Variants in RGS6 observed in about 807,000 individuals in gnomAD.
RGS6 encodes regulator of G-protein signaling 6.
Under a neutral mutation model 78.5 loss-of-function variants are expected in RGS6, and 30 were observed. The observed-to-expected ratio is 0.38, with a 90% CI of 0.29 to 0.52. RGS6 has a LOEUF of 0.52. Among genes scored for constraint, RGS6 ranks in the 20% least tolerant of loss-of-function variants. The probability of loss-of-function intolerance (pLI) is 0.85; values close to 1 mark genes in which losing one functional copy is unlikely to be tolerated. For missense variants in RGS6, 495 were observed against 609.7 expected (o/e 0.81, Z 1.98); for synonymous variants, 206 against 206.0 (o/e 1.00, Z 0.00).
At chr14:72,131,122 G>A (rs191486239) in intron 2 of RGS6, among the ~76,000 whole-genome samples, 3 of 152,226 alleles carry the variant, frequency 2.0e-5, no homozygotes, top group Non-Finnish European at 2.9e-5. Flanking sequence ...TTCATCTTTC[G>A]CTCACGGACT....
At chr14:72,076,779 A>G (rs542830451) in intron 2 of RGS6, among the ~76,000 whole-genome samples, 186 of 152,016 alleles carry the variant, frequency 1.2e-3, no homozygotes, top group Admixed American at 2.7e-3. Flanking sequence ...TAATCCTCCC[A>G]CCTCAGCCTC....
At chr14:71,931,899 T>C (rs1171706556), upstream of RGS6, among the ~76,000 whole-genome samples, 3 of 152,134 alleles carry the variant, frequency 2.0e-5, no homozygotes, top group Non-Finnish European at 4.4e-5. Context: ...AAATGCAGCG[T>C]GTGGTGTGCA....
intron 2 of RGS6, among the ~76,000 whole-genome samples, chr14:72,030,435 A>C (rs2090660438): frequency 6.6e-6 from 1 of 152,220 alleles, no homozygotes; most frequent in Non-Finnish European, 1.5e-5. Flanking sequence ...AAAGGAAAGC[A>C]GCTGTAGGTT....
intron 3 of RGS6, among the ~76,000 whole-genome samples, chr14:72,429,814 C>T (rs1008814209): frequency 6.6e-6 from 1 of 152,130 alleles, no homozygotes; most frequent in Non-Finnish European, 1.5e-5. Context: ...CCCGTTGTGA[C>T]AAGGGAGAGA....
chr14:72,154,665 G>C (rs900888690), intron 2 of RGS6, among the ~76,000 whole-genome samples: 2 of 152,208 alleles, frequency 1.3e-5, no homozygotes, highest in Non-Finnish European at 2.9e-5. Context: ...GCCAACTGAC[G>C]TGAAAGCAAG....
intron 2 of RGS6, among the ~76,000 whole-genome samples, chr14:71,993,494 A>G (rs1039760650): frequency 1.3e-5 from 2 of 152,156 alleles, no homozygotes; most frequent in Non-Finnish European, 2.9e-5. Context: ...ATATTATTTC[A>G]TCGGATCTTT....
At chr14:72,128,415 T>A (rs1218850579) in intron 2 of RGS6, among the ~76,000 whole-genome samples, 1 of 152,228 alleles carries the variant, frequency 6.6e-6, no homozygotes, top group African/African-American at 2.4e-5. Context: ...ATTGTGTTCA[T>A]GTTTGCATTT....
At chr14:72,538,615 C>A (rs764954668) in intron 16 of RGS6, among the ~76,000 whole-genome samples, 1 of 152,216 alleles carries the variant, frequency 6.6e-6, no homozygotes, top group Non-Finnish European at 1.5e-5. Context: ...CCAGGACTGG[C>A]CTGACTTGAG....
At chr14:72,370,422 C>A (rs2083264941) in intron 3 of RGS6, among the ~76,000 whole-genome samples, 1 of 152,104 alleles carries the variant, frequency 6.6e-6, no homozygotes, top group Non-Finnish European at 1.5e-5. Context: ...TTACCTGACT[C>A]TGGTATTGAC....
chr14:72,403,845 G>T (rs1009850562), intron 3 of RGS6, among the ~76,000 whole-genome samples: 1 of 152,178 alleles, frequency 6.6e-6, no homozygotes, highest in Non-Finnish European at 1.5e-5. Flanking sequence ...AGGCCTAAAT[G>T]AATCTTACCT....
chr14:72,387,288 G>A (rs371611334), intron 3 of RGS6, among the ~76,000 whole-genome samples: 33 of 152,190 alleles, frequency 2.2e-4, no homozygotes, highest in African/African-American at 6.0e-4. Flanking sequence ...GGTGGCTGGC[G>A]CGCCTAATCC....
At chr14:72,477,468 G>A (rs920982120) in intron 11 of RGS6, among the ~76,000 whole-genome samples, 2 of 148,684 alleles carry the variant, frequency 1.3e-5, no homozygotes, top group African/African-American at 5.1e-5. Context: ...TATCTGATGG[G>A]TAAGAGGTAA....
At chr14:72,229,078 AT>A (rs201073399) in intron 2 of RGS6, among the ~76,000 whole-genome samples, 1 of 129,252 alleles carries the variant, frequency 7.7e-6, no homozygotes. Context: ...TCCTTGTGAA[AT>A]CATTGTAGAT....
In RGS6 at chr14:72,564,851, AC is replaced by A. The variant is rs1567146781; in HGVS notation, c.*2385del. The stretch of plus-strand genomic sequence containing the variant: ...CCAGAGGGGAGGGTCAGTAAGCACA[AC>A]GGAGCTAGGGAGACTTCAGATGGAC... On this transcript the variant is annotated 3_prime_UTR_variant, in exon 18 of 18. Coordinates refer to ENST00000553525, the MANE Select transcript of RGS6 (RefSeq NM_001204424.2). The A allele has an allele frequency of 6.6e-6, 1 of 152,444 alleles. No individual in the cohort carries two copies. The highest frequency in any genetic ancestry group is 1.9e-4 in the East Asian group (1 of 5,180). 9.4% of individuals were successfully genotyped at this position (152,444 alleles called of 1,614,324 possible).
At chr14:72,235,972 C>G (rs2050903295) in intron 2 of RGS6, among the ~76,000 whole-genome samples, 2 of 152,160 alleles carry the variant, frequency 1.3e-5, no homozygotes, top group Non-Finnish European at 2.9e-5. Flanking sequence ...CTACTAAAGA[C>G]TTTTGTACTT....
intron 13 of RGS6, among the ~76,000 whole-genome samples, chr14:72,503,363 T>C (rs2096754448): frequency 6.6e-6 from 1 of 152,222 alleles, no homozygotes; most frequent in South Asian, 2.1e-4. Context: ...TCCATCTCAG[T>C]AGTCCCCGAA....
At chr14:71,884,215 G>A in the RGS6 span, among the ~76,000 whole-genome samples, 3 of 152,134 alleles carry the variant, frequency 2.0e-5, no homozygotes, top group African/African-American at 7.2e-5. Flanking sequence ...TTTAGATCTT[G>A]TACAACAACA....
intron 2 of RGS6, among the ~76,000 whole-genome samples, chr14:72,167,566 T>A (rs1567361946): frequency 6.6e-6 from 1 of 152,210 alleles, no homozygotes; most frequent in African/African-American, 2.4e-5. Context: ...TATTTCTACA[T>A]AACAGTTCTC....
the RGS6 span, among the ~76,000 whole-genome samples, chr14:71,899,598 G>A: frequency 6.6e-6 from 1 of 152,154 alleles, no homozygotes; most frequent in Admixed American, 6.5e-5. Flanking sequence ...AAGTAACCCA[G>A]GCCTAAACCA....
Sources: gnomAD v4.1 joint callset for allele counts (sites outside exome capture counted in the v4.1 genomes callset) on GRCh38, gnomAD v4.1.1 for gene constraint, MANE v1.5 for transcripts, NCBI Gene and HGNC (gene_info 2026-07-23, HGNC 2026-07-21) for gene names.